ADCY5: variants seen among roughly 807,000 people sequenced by gnomAD.
The protein encoded by ADCY5 is adenylate cyclase 5, also known as adenylate cyclase type 5.
A neutral mutation model predicts 119.7 loss-of-function variants in ADCY5; 30 were observed. That is an observed-to-expected ratio of 0.25 (90% CI 0.19 to 0.34). The LOEUF is 0.34. ADCY5 is among the 10% of genes least tolerant of loss of function. The pLI, the probability that ADCY5 is intolerant of heterozygous loss-of-function variation, is 1.00. For synonymous variants in ADCY5, 753 were observed against 762.2 expected, an observed-to-expected ratio of 0.99 and a Z score of 0.20; for missense variants, 1,324 against 1,775.2, an observed-to-expected ratio of 0.75 and a Z score of 4.57.
chr3:123,345,747 C>G lies in ADCY5; in HGVS notation c.1406+2035G>C, dbSNP rs1448152827. ...TCACAGAGACAGAGAGACAGACAGA[C>G]AGACAGACAGACAGACAGACAGACA... On this transcript the variant is annotated intron_variant, in intron 3 of 20. Coordinates refer to ENST00000462833, the MANE Select transcript of ADCY5 (RefSeq NM_183357.3). 2.9e-4 allele frequency among the ~76,000 whole-genome samples: 32 copies of G among 111,178 alleles called. 1 individual carries two copies. In the South Asian group the frequency reaches 3.2e-3, roughly 11 times the overall value. 72.9% of individuals were successfully genotyped at this position (111,178 alleles called of 152,430 possible).
chr3:123,297,642 A>G lies in ADCY5; in HGVS notation c.2901-260T>C, dbSNP rs544176197. Among the ~76,000 whole-genome samples, 23 of 152,238 alleles carry G rather than the reference A, an allele frequency of 1.5e-4. No individual in the cohort carries two copies. The East Asian group carries it at 3.3e-3, about 22-fold the overall frequency. On this transcript the variant is annotated intron_variant, in intron 15 of 20. Transcript: ENST00000462833. ...ACCCTGCCTTCCCAGACCCCAGCAT[A>G]TCTACCTGGGTGGAGGCCTGCCCGC...
chr3:123,365,889 G>C (rs879836513), intron 1 of ADCY5, among the ~76,000 whole-genome samples: 7 of 152,044 alleles, frequency 4.6e-5, no homozygotes, highest in Non-Finnish European at 1.0e-4. Flanking sequence ...CAGAGGCAGA[G>C]GGAGGGGAGG....
At chr3:123,390,729 G>A (rs1486891788) in intron 1 of ADCY5, among the ~76,000 whole-genome samples, 2 of 152,192 alleles carry the variant, frequency 1.3e-5, no homozygotes, top group Non-Finnish European at 2.9e-5. Context: ...CAAGGCTGCA[G>A]GTGCAGCACA....
At chr3:123,344,647 T>C (rs1038611084) in intron 3 of ADCY5, among the ~76,000 whole-genome samples, 1 of 152,066 alleles carries the variant, frequency 6.6e-6, no homozygotes, top group Non-Finnish European at 1.5e-5. Context: ...GCCTAACCAC[T>C]GTGCCCCGCC....
chr3:123,327,886 C>A lies in ADCY5; in HGVS notation c.1806-127G>T, dbSNP rs953999346. 22 of 1,153,174 alleles carry A rather than the reference C, an allele frequency of 1.9e-5. No individual in the cohort carries two copies. The East Asian group carries it at 5.3e-4, about 28-fold the overall frequency. 71.4% of individuals were successfully genotyped at this position (1,153,174 alleles called of 1,614,324 possible). A position where few individuals can be genotyped will look rare whatever the true frequency, so the allele number is the denominator to read the frequency against. ...TCAAACCCTAGGGCCCCAAGCTCTG[C>A]TCAAATCCTAACCTCAACCTTGCAT... On this transcript the variant is annotated intron_variant, in intron 6 of 20. Coordinates refer to ENST00000462833, the MANE Select transcript of ADCY5 (RefSeq NM_183357.3).
chr3:123,285,310 A>C (rs1938665137), intron 20 of ADCY5, among the ~76,000 whole-genome samples: 1 of 152,210 alleles, frequency 6.6e-6, no homozygotes, highest in African/African-American at 2.4e-5. Context: ...CAGTGAATAA[A>C]TGGCAGGGCC....
intron 1 of ADCY5, among the ~76,000 whole-genome samples, chr3:123,394,697 A>G (rs1049984097): frequency 2.0e-5 from 3 of 152,234 alleles, no homozygotes; most frequent in Non-Finnish European, 4.4e-5. Flanking sequence ...ATGAGTTCTT[A>G]AAGTAAGCAT....
chr3:123,345,801 A>G (rs532865713), intron 3 of ADCY5, among the ~76,000 whole-genome samples: 151 of 59,006 alleles, frequency 2.6e-3, no homozygotes, highest in African/African-American at 0.015. Context: ...CACACAGGAA[A>G]CCAAATCTCT....
intron 16 of ADCY5, 108 bp from the exon 17 acceptor site, chr3:123,296,324 C>A (rs549426827): frequency 1.3e-5 from 17 of 1,269,026 alleles, no homozygotes; most frequent in Non-Finnish European, 1.6e-5. Flanking sequence ...TCCCACTATA[C>A]CTTCCCCTCT....
At chr3:123,432,327 G>T (rs771956758) in intron 1 of ADCY5, among the ~76,000 whole-genome samples, 1 of 152,078 alleles carries the variant, frequency 6.6e-6, no homozygotes, top group Admixed American at 6.6e-5. Flanking sequence ...AGGTCCTCCC[G>T]CATCTCTTAA....
chr3:123,397,776 A>G (rs1002978459), intron 1 of ADCY5, among the ~76,000 whole-genome samples: 4 of 152,146 alleles, frequency 2.6e-5, no homozygotes, highest in African/African-American at 9.7e-5. Context: ...TTCAAATCAG[A>G]GGGGAGGAGG....
intron 10 of ADCY5, among the ~76,000 whole-genome samples, chr3:123,319,286 G>A (rs1480964448): frequency 6.7e-6 from 1 of 150,106 alleles, no homozygotes; most frequent in East Asian, 2.0e-4. Flanking sequence ...CCTCGGGGGA[G>A]GAGGTTGCAG....
intron 3 of ADCY5, among the ~76,000 whole-genome samples, chr3:123,333,148 T>C (rs926707537): frequency 5.3e-5 from 8 of 152,326 alleles, no homozygotes; most frequent in African/African-American, 1.7e-4. Flanking sequence ...ACGAATGGAT[T>C]AGTGCCCTTA....
At chr3:123,438,417 G>A (rs1945663403) in intron 1 of ADCY5, among the ~76,000 whole-genome samples, 1 of 152,112 alleles carries the variant, frequency 6.6e-6, no homozygotes, top group Admixed American at 6.5e-5. Flanking sequence ...AGTAACCCAT[G>A]GTCAACCACG....
At chr3:123,380,959 C>A (rs1266901021) in intron 1 of ADCY5, among the ~76,000 whole-genome samples, 1 of 152,128 alleles carries the variant, frequency 6.6e-6, no homozygotes, top group African/African-American at 2.4e-5. Flanking sequence ...GGGTCCCATT[C>A]CTAGCCCTTC....
chr3:123,428,073 C>T (rs1559875681), intron 1 of ADCY5, among the ~76,000 whole-genome samples: 1 of 152,176 alleles, frequency 6.6e-6, no homozygotes, highest in East Asian at 1.9e-4. Flanking sequence ...TGTCTGAAGT[C>T]GAGTCTAGAA....
intron 1 of ADCY5, among the ~76,000 whole-genome samples, chr3:123,369,833 T>G (rs1440624196): frequency 6.6e-6 from 1 of 152,224 alleles, no homozygotes; most frequent in African/African-American, 2.4e-5. Flanking sequence ...CCAAGAGCAC[T>G]GACATCCTGA....
At chr3:123,338,603 G>A (rs538974480) in intron 3 of ADCY5, among the ~76,000 whole-genome samples, 1 of 152,350 alleles carries the variant, frequency 6.6e-6, no homozygotes, top group African/African-American at 2.4e-5. Context: ...CTCCTCTTGG[G>A]AACAGGATCA....
At chr3:123,331,257 C>A (rs1275067245) in intron 4 of ADCY5, among the ~76,000 whole-genome samples, 3 of 152,174 alleles carry the variant, frequency 2.0e-5, no homozygotes, top group African/African-American at 7.2e-5. Flanking sequence ...TTCCAGCTCC[C>A]AGACTCAGGA....
Sources: gnomAD v4.1 joint callset for allele counts (sites outside exome capture counted in the v4.1 genomes callset) on GRCh38, gnomAD v4.1.1 for gene constraint, MANE v1.5 for transcripts, NCBI Gene and HGNC (gene_info 2026-07-23, HGNC 2026-07-21) for gene names.